XKR9: variants seen among roughly 807,000 people sequenced by gnomAD.
XKR9 encodes the protein XK related 9.
A neutral mutation model predicts 32.0 loss-of-function variants in XKR9; 32 were observed. The observed-to-expected ratio is 1.00, with a 90% confidence interval of 0.76 to 1.34. The LOEUF (loss-of-function observed/expected upper bound fraction) is 1.34, where lower values mean the gene tolerates loss of function less well. Ranked by LOEUF, XKR9 falls within the 40% of genes most tolerant of loss-of-function variation. The pLI is 0.00. For synonymous variants in XKR9, 168 were observed against 143.4 expected (o/e 1.17, Z -1.22); for missense variants, 546 against 429.7 (o/e 1.27, Z -2.39).
the XKR9 span, among the ~76,000 whole-genome samples, chr8:70,892,884 C>G: frequency 5.9e-5 from 9 of 151,984 alleles, no homozygotes; most frequent in Non-Finnish European, 1.2e-4. Flanking sequence ...ATATCTTTCC[C>G]GAGACTTGGG....
chr8:70,982,556 C>T, the XKR9 span, among the ~76,000 whole-genome samples: 23 of 152,308 alleles, frequency 1.5e-4, no homozygotes, highest in South Asian at 4.8e-3. Flanking sequence ...CCAAAAAGCA[C>T]TGACCCTATT....
At chr8:70,698,073 C>A (rs1291468271) in intron 3 of XKR9, among the ~76,000 whole-genome samples, 1 of 152,008 alleles carries the variant, frequency 6.6e-6, no homozygotes, top group African/African-American at 2.4e-5. Flanking sequence ...ATTCTTCTCT[C>A]TTTTCTTCTT....
At chr8:70,732,078 C>T (rs2132240014) in intron 4 of XKR9, among the ~76,000 whole-genome samples, 1 of 152,268 alleles carries the variant, frequency 6.6e-6, no homozygotes, top group African/African-American at 2.4e-5. Flanking sequence ...GACAGACACC[C>T]CACAGTGGGG....
At chr8:70,889,909 A>T in the XKR9 span, among the ~76,000 whole-genome samples, 1 of 151,850 alleles carries the variant, frequency 6.6e-6, no homozygotes, top group Admixed American at 6.6e-5. Context: ...TTGGTAGAAT[A>T]ATTTATTTTC....
At chr8:70,933,435 AG>A in the XKR9 span, among the ~76,000 whole-genome samples, 1 of 150,224 alleles carries the variant, frequency 6.7e-6, no homozygotes, top group Non-Finnish European at 1.5e-5. Context: ...GGGGAAGAAC[AG>A]TTTTTTTTTT....
intron 3 of XKR9, among the ~76,000 whole-genome samples, chr8:70,685,650 C>T (rs891813047): frequency 1.9e-4 from 28 of 146,336 alleles, no homozygotes; most frequent in Middle Eastern, 3.6e-3. Flanking sequence ...AACCAAACAC[C>T]GCATGTTCTC....
At chr8:70,895,577 A>G in the XKR9 span, among the ~76,000 whole-genome samples, 1 of 152,210 alleles carries the variant, frequency 6.6e-6, no homozygotes, top group East Asian at 1.9e-4. Context: ...ATGCTGAAAA[A>G]GATATCCTTT....
chr8:71,041,454 A>G, the XKR9 span, among the ~76,000 whole-genome samples: 1 of 152,200 alleles, frequency 6.6e-6, no homozygotes, highest in Non-Finnish European at 1.5e-5. Flanking sequence ...CCGATCAAGA[A>G]TATCATAAGC....
the XKR9 span, among the ~76,000 whole-genome samples, chr8:70,855,008 C>CT: frequency 6.6e-6 from 1 of 152,102 alleles, no homozygotes; most frequent in Admixed American, 6.6e-5. Context: ...AATGCAGGCT[C>CT]TTTTTTGGTT....
intron 4 of XKR9, among the ~76,000 whole-genome samples, chr8:70,708,112 T>C (rs2132180414): frequency 6.6e-6 from 1 of 152,106 alleles, no homozygotes; most frequent in African/African-American, 2.4e-5. Context: ...TTACTTTGAT[T>C]GTTAGTAAGA....
the XKR9 span, among the ~76,000 whole-genome samples, chr8:70,965,630 A>G: frequency 6.6e-6 from 1 of 152,026 alleles, no homozygotes; most frequent in Non-Finnish European, 1.5e-5. Flanking sequence ...GAATTTCAGA[A>G]CTCATTATTT....
At chr8:70,993,668 T>C in the XKR9 span, among the ~76,000 whole-genome samples, 2 of 142,480 alleles carry the variant, frequency 1.4e-5, no homozygotes, top group East Asian at 2.1e-4. Flanking sequence ...CTTCCTTCCT[T>C]CCTCCCATCC....
chr8:71,052,690 C>T, the XKR9 span, among the ~76,000 whole-genome samples: 4 of 152,224 alleles, frequency 2.6e-5, no homozygotes, highest in African/African-American at 9.7e-5. Context: ...ATGCATAGTG[C>T]TGGCTGGGTG....
At chr8:70,979,746 C>T in the XKR9 span, among the ~76,000 whole-genome samples, 1 of 152,216 alleles carries the variant, frequency 6.6e-6, no homozygotes, top group African/African-American at 2.4e-5. Flanking sequence ...TCTGTCTGTT[C>T]TCAGAGCTCA....
the XKR9 span, among the ~76,000 whole-genome samples, chr8:70,911,969 C>G: frequency 6.6e-6 from 1 of 152,092 alleles, no homozygotes; most frequent in South Asian, 2.1e-4. Context: ...GCCAGGAAGC[C>G]TGTAGGAGTT....
the XKR9 span, among the ~76,000 whole-genome samples, chr8:70,916,043 A>G: frequency 7.2e-5 from 11 of 152,158 alleles, no homozygotes; most frequent in African/African-American, 2.7e-4. Context: ...CTCCTTTACT[A>G]TCCCATAACC....
intron 3 of XKR9, among the ~76,000 whole-genome samples, chr8:70,700,237 C>A (rs544063569): frequency 1.3e-5 from 2 of 152,296 alleles, no homozygotes; most frequent in African/African-American, 4.8e-5. Context: ...AACTGCGTTC[C>A]TTTGGAGGAG....
chr8:71,046,350 C>T, the XKR9 span, among the ~76,000 whole-genome samples: 1 of 152,112 alleles, frequency 6.6e-6, no homozygotes, highest in Non-Finnish European at 1.5e-5. Context: ...GGGAGATTCC[C>T]CTTTGTGTGG....
the XKR9 span, among the ~76,000 whole-genome samples, chr8:70,853,264 C>T: frequency 5.3e-5 from 8 of 151,490 alleles, no homozygotes; most frequent in East Asian, 1.9e-4. Context: ...GGCAGTGAGG[C>T]GTGGGGTGTG....
Sources: allele counts gnomAD v4.1 joint callset (sites outside exome capture counted in the v4.1 genomes callset), GRCh38; gene constraint gnomAD v4.1.1; transcripts MANE v1.5; gene names NCBI Gene and HGNC (gene_info 2026-07-23, HGNC 2026-07-21).